Variants in ZNF407 observed in about 807,000 individuals in gnomAD.
ZNF407 encodes zinc finger protein 407.
Under a neutral mutation model 131.2 loss-of-function variants are expected in ZNF407, and 17 were observed. The ratio of observed to expected loss-of-function variants is 0.13; its 90% CI spans 0.09 to 0.19. The LOEUF is 0.19. Among genes scored for constraint, ZNF407 ranks in the 10% least tolerant of loss-of-function variants. The pLI is 1.00. For missense variants in ZNF407, 2,681 were observed against 2,830.6 expected (o/e 0.95, Z 1.20); for synonymous variants, 1,156 against 1,062.0 (o/e 1.09, Z -1.72).
intron 3 of ZNF407, among the ~76,000 whole-genome samples, chr18:74,654,412 A>G (rs1268412718): frequency 6.6e-6 from 1 of 151,842 alleles, no homozygotes; most frequent in Non-Finnish European, 1.5e-5. Flanking sequence ...ATTTCTATGA[A>G]AATTCTTTCA....
intron 8 of ZNF407, among the ~76,000 whole-genome samples, chr18:75,011,981 TG>T (rs1470050251): frequency 6.6e-5 from 10 of 152,172 alleles, no homozygotes; most frequent in African/African-American, 2.4e-4. Flanking sequence ...TCCTGTTTTG[TG>T]TTTAAATATT....
intron 3 of ZNF407, among the ~76,000 whole-genome samples, chr18:74,742,952 T>C (rs953979501): frequency 1.3e-5 from 2 of 152,248 alleles, no homozygotes; most frequent in East Asian, 3.9e-4. Flanking sequence ...CAGCAATAGA[T>C]AGGGAAACCC....
intron 3 of ZNF407, among the ~76,000 whole-genome samples, chr18:74,689,075 A>G (rs1356382656): frequency 6.6e-6 from 1 of 152,082 alleles, no homozygotes; most frequent in East Asian, 1.9e-4. Context: ...TGATTTGCCC[A>G]CTTTGACCTC....
rs559884172 is a variant in ZNF407, at chr18:75,028,572, A to C, written c.5429-34578A>C. Among the ~76,000 whole-genome samples the C allele has an allele frequency of 1.1e-4, 16 of 152,322 alleles. No homozygotes were observed. In the East Asian group the frequency reaches 3.1e-3, roughly 29 times the overall value. Reference sequence around the variant, plus strand: ...TCCTAACAGACTTAAAATATACGTTAAACAAATACCTCTAAGTGACTCTGA... The same window carrying C: ...TCCTAACAGACTTAAAATATACGTTCAACAAATACCTCTAAGTGACTCTGA... On this transcript the variant is annotated intron_variant, in intron 8 of 8. Coordinates refer to ENST00000299687, the MANE Select transcript of ZNF407 (RefSeq NM_017757.3).
chr18:74,955,833 C>A (rs902932865), intron 8 of ZNF407, among the ~76,000 whole-genome samples: 8 of 152,154 alleles, frequency 5.3e-5, no homozygotes, highest in Non-Finnish European at 7.4e-5. Context: ...GGCCAGCCAT[C>A]CTCTCTCCCT....
intron 8 of ZNF407, among the ~76,000 whole-genome samples, chr18:75,021,503 C>G (rs1973110273): frequency 6.6e-6 from 1 of 152,066 alleles, no homozygotes; most frequent in African/African-American, 2.4e-5. Flanking sequence ...CTCCTGACAT[C>G]AAGGTATCCT....
intron 4 of ZNF407, among the ~76,000 whole-genome samples, chr18:74,819,992 G>A (rs1599175455): frequency 6.6e-6 from 1 of 152,186 alleles, no homozygotes; most frequent in Non-Finnish European, 1.5e-5. Context: ...TTGTGTGAAT[G>A]AGAGAGCTGG....
intron 3 of ZNF407, among the ~76,000 whole-genome samples, chr18:74,776,731 C>G (rs998360727): frequency 6.6e-6 from 1 of 152,160 alleles, no homozygotes; most frequent in Non-Finnish European, 1.5e-5. Context: ...AACGTAACTA[C>G]TAACAGCCTA....
At chr18:74,693,328 A>G (rs756992443) in intron 3 of ZNF407, among the ~76,000 whole-genome samples, 11 of 152,236 alleles carry the variant, frequency 7.2e-5, no homozygotes, top group Non-Finnish European at 1.3e-4. Flanking sequence ...TCTACATCTG[A>G]ACATGCATAC....
intron 8 of ZNF407, among the ~76,000 whole-genome samples, chr18:74,939,052 G>C (rs1226097919): frequency 6.6e-6 from 1 of 152,176 alleles, no homozygotes; most frequent in African/African-American, 2.4e-5. Flanking sequence ...CGACCTTTTT[G>C]ATTCAGAAAG....
chr18:75,056,858 A>G (rs1275355312), intron 8 of ZNF407, among the ~76,000 whole-genome samples: 1 of 152,164 alleles, frequency 6.6e-6, no homozygotes, highest in Non-Finnish European at 1.5e-5. Flanking sequence ...CACTTGAGAA[A>G]CTTATAAGCT....
At chr18:75,056,827 A>G (rs1015354266) in intron 8 of ZNF407, among the ~76,000 whole-genome samples, 5 of 152,172 alleles carry the variant, frequency 3.3e-5, no homozygotes, top group African/African-American at 9.7e-5. Context: ...TTGAATTTTA[A>G]TTTGTCATTT....
rs981738731 is a variant in ZNF407, at chr18:74,763,914, C to T, written c.4803-17514C>T. 4.6e-5 allele frequency among the ~76,000 whole-genome samples: 7 copies of T among 151,362 alleles called. No homozygotes were observed. In the South Asian group the frequency reaches 1.0e-3, roughly 23 times the overall value. ...ATTTTTAGTAGAGACGGGGTTTCACCGTGTTAGCCAGGATGGTCTCGATCT... is the reference window on the plus strand; with the variant it reads ...ATTTTTAGTAGAGACGGGGTTTCACTGTGTTAGCCAGGATGGTCTCGATCT... On this transcript the variant is annotated intron_variant, in intron 3 of 8. Transcript: ENST00000299687.
rs754331489 is a variant in ZNF407, at chr18:74,632,438, A to G, written c.1419A>G (p.Ala473=). 1.9e-6 allele frequency: 3 copies of G among 1,614,050 alleles called. No individual in the cohort carries two copies. In the East Asian group the frequency reaches 6.7e-5, roughly 36 times the overall value. The change falls in exon 2 of 9, where the codon GCA becomes GCG. Residue 473 remains alanine, a synonymous_variant. Coordinates refer to ENST00000299687, the MANE Select transcript of ZNF407 (RefSeq NM_017757.3). Reference sequence around the variant, plus strand: ...GAACACAGATGAAAACACACGATGCAGAATCAGTGCTGAAACACCTGGAAG... The same window carrying G: ...GAACACAGATGAAAACACACGATGCGGAATCAGTGCTGAAACACCTGGAAG... ...HLRTQMKTHD[A]ESVLKHLEAC... is the part of the protein sequence containing the mutation.
At chr18:74,648,749 C>T (rs1384874509) in intron 3 of ZNF407, among the ~76,000 whole-genome samples, 3 of 152,176 alleles carry the variant, frequency 2.0e-5, no homozygotes, top group Non-Finnish European at 4.4e-5. Flanking sequence ...AGCCGTGCTA[C>T]CTATGTCCAC....
intron 4 of ZNF407, among the ~76,000 whole-genome samples, chr18:74,819,740 A>G (rs1568229486): frequency 6.6e-6 from 1 of 152,162 alleles, no homozygotes; most frequent in African/African-American, 2.4e-5. Context: ...GGGGATCCCC[A>G]AAGGCACCAT....
At chr18:74,740,489 C>T (rs950364937) in intron 3 of ZNF407, among the ~76,000 whole-genome samples, 5 of 152,158 alleles carry the variant, frequency 3.3e-5, no homozygotes, top group East Asian at 1.9e-4. Flanking sequence ...ACACATGTTA[C>T]ATCTGTCTGC....
intron 4 of ZNF407, among the ~76,000 whole-genome samples, chr18:74,844,748 G>C (rs1164359025): frequency 6.6e-6 from 1 of 152,102 alleles, no homozygotes; most frequent in African/African-American, 2.4e-5. Flanking sequence ...GAGAAAACAA[G>C]ATAAAATGCT....
intron 1 of ZNF407, among the ~76,000 whole-genome samples, chr18:74,616,871 T>C (rs1247667149): frequency 9.1e-3 from 43 of 4,734 alleles, no homozygotes; most frequent in South Asian, 0.031. Context: ...ACCACACGCA[T>C]CCATATCCAC....
Sources: allele counts gnomAD v4.1 joint callset (sites outside exome capture counted in the v4.1 genomes callset), GRCh38; gene constraint gnomAD v4.1.1; transcripts MANE v1.5; gene names NCBI Gene and HGNC (gene_info 2026-07-23, HGNC 2026-07-21).